The following MTMR10 variants were observed in gnomAD, a reference collection of about 807,000 sequenced individuals.
The protein encoded by MTMR10 is myotubularin related protein 10, also known as myotubularin-related protein 10.
A neutral mutation model predicts 88.1 loss-of-function variants in MTMR10; 56 were observed. That is an observed-to-expected ratio of 0.64 (90% CI 0.51 to 0.79). MTMR10 has a LOEUF of 0.79. Ranked by LOEUF, MTMR10 falls within the 30% of genes least tolerant of loss-of-function variation. The pLI, the probability that MTMR10 is intolerant of heterozygous loss-of-function variation, is 0.00. For missense variants in MTMR10, 883 were observed against 924.7 expected (o/e 0.95, Z 0.58); for synonymous variants, 380 against 340.9 (o/e 1.11, Z -1.26).
chr15:30,929,978 T>A, the MTMR10 span, among the ~76,000 whole-genome samples: 3 of 125,276 alleles, frequency 2.4e-5, no homozygotes, highest in Non-Finnish European at 4.7e-5. Flanking sequence ...ATAAAATATA[T>A]AATATATAAG....
chr15:30,947,551 G>A (rs954979371), intron 13 of MTMR10, among the ~76,000 whole-genome samples: 4 of 152,174 alleles, frequency 2.6e-5, no homozygotes, highest in African/African-American at 9.7e-5. Flanking sequence ...ACAGTTGAGC[G>A]GGTTGCCACT....
intron 9 of MTMR10, among the ~76,000 whole-genome samples, chr15:30,956,004 T>G (rs1405659880): frequency 6.6e-6 from 1 of 150,560 alleles, no homozygotes; most frequent in Non-Finnish European, 1.5e-5. Context: ...TGCTGTTGTT[T>G]TTTTTTTTCC....
At chr15:30,928,762 C>G in the MTMR10 span, 1 of 1,568,750 alleles carries the variant, frequency 6.4e-7, no homozygotes, top group Non-Finnish European at 8.6e-7. Flanking sequence ...ATCTCTGTTA[C>G]GGTCCTTTGG....
chr15:30,931,031 C>T, the MTMR10 span, among the ~76,000 whole-genome samples: 2 of 152,082 alleles, frequency 1.3e-5, no homozygotes, highest in South Asian at 2.1e-4. Context: ...AGAAGCTTAC[C>T]GATAATTGTA....
chr15:30,940,223 T>A lies in MTMR10; in HGVS notation c.*1247A>T. 1.0e-6 allele frequency: 1 copy of A among 985,316 alleles called. No homozygotes were observed. The highest frequency in any genetic ancestry group is 1.2e-6 in the Non-Finnish European group (1 of 829,886). 61.0% of individuals were successfully genotyped at this position (985,316 alleles called of 1,614,324 possible). A position where few individuals can be genotyped will look rare whatever the true frequency, so the allele number is the denominator to read the frequency against. ...CCCCGTTTCACTGCTGTAAGAAGCT[T>A]CAGCTTTGACCGCTACAGTGGTAGG... is the stretch of plus-strand genomic sequence containing the variant. On this transcript the variant is annotated 3_prime_UTR_variant, in exon 16 of 16. Coordinates refer to ENST00000435680, the MANE Select transcript of MTMR10 (RefSeq NM_017762.3).
intron 10 of MTMR10, among the ~76,000 whole-genome samples, chr15:30,954,469 TA>T (rs2063293814): frequency 6.6e-6 from 1 of 152,230 alleles, no homozygotes; most frequent in Non-Finnish European, 1.5e-5. Context: ...GTCTGTAAGG[TA>T]ATACAGTGTT....
intron 2 of MTMR10, among the ~76,000 whole-genome samples, chr15:30,983,845 T>C (rs1404671886): frequency 6.6e-6 from 1 of 152,192 alleles, no homozygotes; most frequent in East Asian, 1.9e-4. Flanking sequence ...ATGTGGAAGA[T>C]AAACACAAAT....
downstream of MTMR10, among the ~76,000 whole-genome samples, chr15:30,937,963 A>G (rs899945759): frequency 9.9e-5 from 15 of 151,370 alleles, no homozygotes; most frequent in Non-Finnish European, 1.8e-4. Flanking sequence ...AGGCAGGCGC[A>G]TCATGAGGTC....
At chr15:30,977,042 G>T in intron 2 of MTMR10, 87 bp from the exon 3 acceptor site, 1 of 1,267,388 alleles carries the variant, frequency 7.9e-7, no homozygotes, top group Admixed American at 2.0e-5. Context: ...TTTCATGAGG[G>T]CAAGGATGAG....
intron 14 of MTMR10, 33 bp downstream of exon 14, chr15:30,947,097 G>T (rs1220219095): frequency 1.3e-6 from 2 of 1,554,550 alleles, no homozygotes; most frequent in Non-Finnish European, 1.7e-6. Context: ...GTAAAAACAG[G>T]GAAAACGTAG....
chr15:30,963,401 T>A lies in MTMR10; in HGVS notation c.566-2328A>T, dbSNP rs892173052. ...ATCCCAACACTTTGGGAGGCCGAGGTGGGCGGATCACAAGGTCAGGAGATC... is the reference window on the plus strand; with the variant it reads ...ATCCCAACACTTTGGGAGGCCGAGGAGGGCGGATCACAAGGTCAGGAGATC... On this transcript the variant is annotated intron_variant, in intron 6 of 15. Transcript: ENST00000435680. Among the ~76,000 whole-genome samples the A allele has an allele frequency of 4.6e-5, 7 of 151,820 alleles. No homozygotes were observed. In the South Asian group the frequency reaches 8.3e-4, roughly 18 times the overall value.
the MTMR10 span, chr15:30,928,887 T>C: frequency 3.3e-5 from 23 of 698,506 alleles, no homozygotes; most frequent in Non-Finnish European, 4.1e-5. Context: ...TTTAGACCTT[T>C]CGTATAAAGT....
chr15:30,943,630 T>C, intron 14 of MTMR10: 6 of 985,434 alleles, frequency 6.1e-6, no homozygotes, highest in Non-Finnish European at 7.2e-6. Flanking sequence ...AGCATGTGGC[T>C]AAAACCATGG....
chr15:30,981,376 G>A (rs746673889), intron 2 of MTMR10, among the ~76,000 whole-genome samples: 56 of 152,172 alleles, frequency 3.7e-4, no homozygotes, highest in Non-Finnish European at 6.0e-4. Context: ...AAGTGATCGA[G>A]GTTAACCTCA....
chr15:30,985,459 G>A (rs2030883172), intron 2 of MTMR10, among the ~76,000 whole-genome samples: 1 of 152,184 alleles, frequency 6.6e-6, no homozygotes, highest in Admixed American at 6.5e-5. Context: ...CAGGTGGGCC[G>A]TGCTACTTAG....
Position 30,951,958 on chromosome 15 carries a change from C to A in MTMR10, c.1207+10G>T. On this transcript the variant is annotated intron_variant, in intron 12 of 15. Transcript: ENST00000435680. The stretch of plus-strand genomic sequence containing the variant: ...GTGGTCATGGTGCTTTCAGGAGTTA[C>A]TTTAGTTACCTTGTAGGACTACAGA... 6.2e-7 allele frequency: 1 copy of A among 1,610,170 alleles called. No homozygotes were observed. The highest frequency in any genetic ancestry group is 8.5e-7 in the Non-Finnish European group (1 of 1,176,450).
intron 5 of MTMR10, among the ~76,000 whole-genome samples, chr15:30,969,542 C>T (rs929612392): frequency 5.3e-5 from 8 of 152,162 alleles, no homozygotes; most frequent in Admixed American, 5.2e-4. Context: ...CATTTTGCTA[C>T]ACTGCCATAG....
chr15:30,984,182 C>T (rs1361913222), intron 2 of MTMR10, among the ~76,000 whole-genome samples: 2 of 152,150 alleles, frequency 1.3e-5, no homozygotes, highest in Non-Finnish European at 2.9e-5. Flanking sequence ...TGGATTTTAT[C>T]CTGCTTAAGT....
intron 14 of MTMR10, chr15:30,943,415 ATTTTAC>A (rs1236215005): frequency 6.1e-6 from 6 of 984,532 alleles, no homozygotes; most frequent in Non-Finnish European, 7.2e-6. Flanking sequence ...TAATTACAGT[ATTTTAC>A]TTTTATGAGC....
Sources: gnomAD v4.1 joint callset for allele counts (sites outside exome capture counted in the v4.1 genomes callset) on GRCh38, gnomAD v4.1.1 for gene constraint, MANE v1.5 for transcripts, NCBI Gene and HGNC (gene_info 2026-07-23, HGNC 2026-07-21) for gene names.